Variants in TLE2 observed in about 807,000 individuals in gnomAD.
TLE2 encodes transducin-like enhancer protein 2.
Under a neutral mutation model 97.2 loss-of-function variants are expected in TLE2, and 74 were observed. That is an observed-to-expected ratio of 0.76 (90% CI 0.63 to 0.92). The LOEUF (loss-of-function observed/expected upper bound fraction) is 0.92, where lower values mean the gene tolerates loss of function less well. Ranked by LOEUF, TLE2 falls within the 40% of genes least tolerant of loss-of-function variation. TLE2 has a pLI of 0.00. For missense variants in TLE2, 1,038 were observed against 1,008.7 expected (o/e 1.03, Z -0.39); for synonymous variants, 499 against 432.1 (o/e 1.15, Z -1.92).
intron 4 of TLE2, among the ~76,000 whole-genome samples, chr19:3,026,061 A>T (rs1355774819): frequency 6.6e-6 from 1 of 152,022 alleles, no homozygotes; most frequent in Non-Finnish European, 1.5e-5. Flanking sequence ...TGAAGCTCAG[A>T]AGTTTGGGAC....
chr19:3,008,845 A>C, intron 14 of TLE2, 24 bp downstream of exon 14: 2 of 1,524,296 alleles, frequency 1.3e-6, no homozygotes, highest in Non-Finnish European at 1.8e-6. Context: ...GACCCCAGGC[A>C]GGGAGCCCCA....
chr19:3,039,893 G>A (rs1170752929), intron 1 of TLE2, among the ~76,000 whole-genome samples: 2 of 152,150 alleles, frequency 1.3e-5, no homozygotes, highest in Non-Finnish European at 2.9e-5. Flanking sequence ...CCCCACCTCC[G>A]CCACTGCGTC....
chr19:2,999,861 C>T (rs182720090), intron 19 of TLE2, among the ~76,000 whole-genome samples: 277 of 150,174 alleles, frequency 1.8e-3, no homozygotes, highest in Non-Finnish European at 3.0e-3. Flanking sequence ...GGTGAAACCC[C>T]CTCTCTACTG....
intron 1 of TLE2, among the ~76,000 whole-genome samples, chr19:3,036,670 T>A (rs553402931): frequency 2.6e-4 from 39 of 152,320 alleles, no homozygotes; most frequent in Non-Finnish European, 5.6e-4. Flanking sequence ...AGGAGCCATC[T>A]CCCTAGAACC....
intron 17 of TLE2, among the ~76,000 whole-genome samples, chr19:3,002,892 T>A (rs1050396168): frequency 7.9e-5 from 12 of 152,028 alleles, no homozygotes; most frequent in African/African-American, 2.9e-4. Context: ...AAAGACGGCG[T>A]TTCACCGTAT....
At position 3,006,418 on chromosome 19, in the gene TLE2, A is replaced by C; in HGVS notation, c.1500+2T>G. ...CCGCCCACTGTCCCACCCCGCCCTC[A>C]CCAGGCAGTCGAGCTGGGCCACGGG... On this transcript the variant is annotated splice_donor_variant, in intron 15 of 19. Coordinates refer to ENST00000262953, the MANE Select transcript of TLE2 (RefSeq NM_003260.5). LOFTEE classifies it high-confidence loss of function. 12 of 1,607,736 alleles carry C rather than the reference A, an allele frequency of 7.5e-6. No homozygotes were observed. The highest frequency in any genetic ancestry group is 1.0e-5 in the Non-Finnish European group (12 of 1,178,874).
At chr19:3,026,683 T>C (rs570292279) in intron 4 of TLE2, among the ~76,000 whole-genome samples, 2 of 151,006 alleles carry the variant, frequency 1.3e-5, no homozygotes, top group African/African-American at 4.9e-5. Flanking sequence ...CCCTGATGTC[T>C]ATCTCAGAAC....
chr19:3,020,129 A>G (rs771142342), intron 5 of TLE2: 8 of 235,434 alleles, frequency 3.4e-5, no homozygotes, highest in Non-Finnish European at 5.0e-5. Flanking sequence ...CCAGCTACTC[A>G]GGAGGCTGAG....
In TLE2 at chr19:3,019,878, C is replaced by T. The variant is rs983029913; in HGVS notation, c.295-105G>A. ...CCCCGCCACCCTCTCATCTTTGCCC[C>T]GGTACTTCCCATTTCTCTTTTATCT... is the stretch of plus-strand genomic sequence containing the variant. On this transcript the variant is annotated intron_variant, in intron 5 of 19. Coordinates refer to ENST00000262953, the MANE Select transcript of TLE2 (RefSeq NM_003260.5). The surrounding 1 kb of genome is among the most constrained non-coding windows in gnomAD (Gnocchi z 5.1). 87 of 1,382,370 alleles carry T rather than the reference C, an allele frequency of 6.3e-5. No homozygotes were observed. The highest frequency in any genetic ancestry group is 2.0e-4 in the African/African-American group (14 of 69,390). The allele number at this position is 1,382,370 out of a possible 1,614,324, so 85.6% of individuals were successfully genotyped here. A position where few individuals can be genotyped will look rare whatever the true frequency, so the allele number is the denominator to read the frequency against.
chr19:3,009,493 A>G, intron 13 of TLE2, 49 bp downstream of exon 13: 6 of 1,531,476 alleles, frequency 3.9e-6, no homozygotes, highest in Middle Eastern at 2.2e-4. Flanking sequence ...CCCGGCCCCC[A>G]GCCCCTGGGC....
At chr19:3,017,815 G>C (rs1202291110) in intron 8 of TLE2, 25 bp downstream of exon 8, 7 of 1,608,586 alleles carry the variant, frequency 4.4e-6, no homozygotes, top group Admixed American at 3.4e-5. Context: ...AATATAAAAA[G>C]AGTCCCAGGG....
intron 1 of TLE2, among the ~76,000 whole-genome samples, chr19:3,036,683 C>T (rs2090065553): frequency 6.6e-6 from 1 of 152,264 alleles, no homozygotes; most frequent in African/African-American, 2.4e-5. Context: ...CTAGAACCTC[C>T]AGGGCCTCTC....
In TLE2 at chr19:3,009,617, G is replaced by T; in HGVS notation, c.1098C>A (p.Ser366=). The T allele has an allele frequency of 6.2e-7, 1 of 1,613,306 alleles. No homozygotes were observed. Among genetic ancestry groups the T allele is most frequent in the Non-Finnish European group, 8.5e-7 (1 of 1,179,664 alleles). ...GSHSTLNGDL[S]VPSSYVSLHL... ...GGAGGCTGACGTAGGAGCTGGGCAC[G>T]GAGAGGTCTCCGTTGAGAGTGCTGT... Residue 366 remains serine, a synonymous_variant, in exon 13 of 20, where the codon TCC becomes TCA. Coordinates refer to ENST00000262953, the MANE Select transcript of TLE2 (RefSeq NM_003260.5).
In TLE2 at chr19:3,019,346, G is replaced by C. The variant is rs771663761; in HGVS notation, c.487C>G (p.Gln163Glu). 1.9e-6 allele frequency: 3 copies of C among 1,566,648 alleles called. No individual in the cohort carries two copies. Among genetic ancestry groups the C allele is most frequent in the Non-Finnish European group, 2.6e-6 (3 of 1,164,156 alleles). The change falls in exon 7 of 20, where the codon CAG becomes GAG. Residue 163 changes from glutamine to glutamate, a missense_variant. Coordinates refer to ENST00000262953, the MANE Select transcript of TLE2 (RefSeq NM_003260.5). The surrounding 1 kb of genome is among the most constrained non-coding windows in gnomAD (Gnocchi z 5.1). ...LLALSGALAA[Q>E]AQLAAAVKED... is the part of the protein sequence containing the mutation. Reference sequence around the variant, plus strand: ...TTGACAGCCGCCGCCAGCTGAGCCTGGGCAGCCAGGGCTCCAGACAGAGCA... The same window carrying C: ...TTGACAGCCGCCGCCAGCTGAGCCTCGGCAGCCAGGGCTCCAGACAGAGCA...
chr19:3,006,262 A>G (rs1036790451), intron 15 of TLE2, 158 bp downstream of exon 15: 18 of 1,279,428 alleles, frequency 1.4e-5, no homozygotes, highest in Non-Finnish European at 1.8e-5. Context: ...TTGGCCTGCA[A>G]GCCTTGTCCC....
intron 1 of TLE2, among the ~76,000 whole-genome samples, chr19:3,041,014 T>TATATACATATATATATATA (rs55998855): frequency 5.0e-5 from 1 of 20,166 alleles, no homozygotes; most frequent in African/African-American, 2.1e-4. Context: ...TATATATATA[T>TATATACATATATATATATA]TTTTTTTTTT....
Position 3,028,900 on chromosome 19 carries a change from T to C in TLE2, c.5A>G (p.Tyr2Cys), listed in dbSNP as rs2089992655. Residue 2 changes from tyrosine to cysteine, a missense_variant, in exon 1 of 20, where the codon TAC (tyrosine) becomes TGC (cysteine). Tyr to Cys is a radical substitution (Grantham distance 194). Transcript: ENST00000262953. ...ACTCACCGGGTGCCTTCCCTGGGGG[T>C]ACATCCTGCCGATCCGAAAAGCCCC... M[Y>C]PQGRHPTPLQ... 6.2e-7 allele frequency: 1 copy of C among 1,609,592 alleles called. No individual in the cohort carries two copies. Among genetic ancestry groups the C allele is most frequent in the East Asian group, 2.2e-5 (1 of 44,766 alleles).
intron 10 of TLE2, 89 bp downstream of exon 10, chr19:3,014,480 TC>T: frequency 8.0e-7 from 1 of 1,248,292 alleles, no homozygotes; most frequent in Non-Finnish European, 1.1e-6. Context: ...GGAACCAGGA[TC>T]CCCACTACCT....
intron 7 of TLE2, 135 bp from the exon 8 acceptor site, chr19:3,017,994 T>C (rs1192414437): frequency 5.9e-6 from 4 of 681,544 alleles, no homozygotes; most frequent in Non-Finnish European, 9.7e-6. Flanking sequence ...CTCTCTACCC[T>C]TCCAACACCC....
Sources: allele counts gnomAD v4.1 joint callset (sites outside exome capture counted in the v4.1 genomes callset), GRCh38; gene constraint gnomAD v4.1.1; non-coding constraint Gnocchi (gnomAD v3.1); transcripts MANE v1.5; gene names NCBI Gene and HGNC (gene_info 2026-07-23, HGNC 2026-07-21).